CDH2: variants seen among roughly 807,000 people sequenced by gnomAD.
CDH2 encodes cadherin-2.
CDH2 carries 17 observed loss-of-function variants against 92.0 expected under a neutral mutation model. The ratio of observed to expected loss-of-function variants is 0.18; its 90% CI spans 0.13 to 0.28. The LOEUF (loss-of-function observed/expected upper bound fraction) is 0.28. Ranked by LOEUF, CDH2 falls within the 10% of genes least tolerant of loss-of-function variation. CDH2 has a pLI of 1.00. For synonymous variants in CDH2, 419 were observed against 415.9 expected (o/e 1.01, Z -0.09); for missense variants, 862 against 1,133.1 (o/e 0.76, Z 3.44).
At chr18:28,135,082 A>G (rs1236061648) in intron 2 of CDH2, among the ~76,000 whole-genome samples, 3 of 152,214 alleles carry the variant, frequency 2.0e-5, no homozygotes, top group Non-Finnish European at 4.4e-5. Flanking sequence ...GAATTACTTC[A>G]GCTCCGTGGA....
At chr18:28,018,963 G>A (rs17468240) in intron 2 of CDH2, among the ~76,000 whole-genome samples, 89 of 151,562 alleles carry the variant, frequency 5.9e-4, no homozygotes, top group African/African-American at 2.0e-3. Flanking sequence ...ATACTACTCA[G>A]CCATAAAAAG....
At chr18:28,110,020 C>A (rs547693521) in intron 2 of CDH2, among the ~76,000 whole-genome samples, 128 of 152,230 alleles carry the variant, frequency 8.4e-4, no homozygotes, top group African/African-American at 2.7e-3. Context: ...CAAGAGCATA[C>A]AAATACAAGG....
At chr18:27,945,323 ATTTTTTTTTTTTTTTT>A (rs66537834) in intron 6 of CDH2, among the ~76,000 whole-genome samples, 2 of 66,462 alleles carry the variant, frequency 3.0e-5, no homozygotes, top group African/African-American at 1.2e-4. Context: ...AGGAAGGAAG[ATTTTTTTTTTTTTTTT>A]TTTTTTTTTT....
At chr18:27,933,555 A>C (rs1908952865) in intron 6 of CDH2, among the ~76,000 whole-genome samples, 1 of 152,154 alleles carries the variant, frequency 6.6e-6, no homozygotes, top group Non-Finnish European at 1.5e-5. Flanking sequence ...TCCAGTTCTT[A>C]GGTTGGAAAA....
chr18:28,085,147 T>C (rs2014902393), intron 2 of CDH2, among the ~76,000 whole-genome samples: 1 of 152,052 alleles, frequency 6.6e-6, no homozygotes, highest in Admixed American at 6.6e-5. Flanking sequence ...TTATCCTCAG[T>C]CCTTTCCTTT....
At chr18:27,975,699 C>T (rs1244700008) in intron 14 of CDH2, among the ~76,000 whole-genome samples, 1 of 152,186 alleles carries the variant, frequency 6.6e-6, no homozygotes, top group Non-Finnish European at 1.5e-5. Flanking sequence ...CTGCCCCCTG[C>T]CAGTGTGGGC....
intron 2 of CDH2, among the ~76,000 whole-genome samples, chr18:28,079,095 T>C (rs929718072): frequency 3.3e-5 from 5 of 152,334 alleles, no homozygotes; most frequent in Admixed American, 1.3e-4. Context: ...CTCAATAAGA[T>C]AGTAAAATCG....
intron 2 of CDH2, among the ~76,000 whole-genome samples, chr18:28,043,842 C>T (rs1253835010): frequency 6.7e-6 from 1 of 148,780 alleles, no homozygotes; most frequent in Non-Finnish European, 1.5e-5. Flanking sequence ...GAGTGGCCAT[C>T]CTCAGGCTGG....
intron 2 of CDH2, among the ~76,000 whole-genome samples, chr18:28,052,253 AT>A (rs2014206753): frequency 6.6e-6 from 1 of 152,210 alleles, no homozygotes; most frequent in Non-Finnish European, 1.5e-5. Flanking sequence ...ATGGGAAGTA[AT>A]TTGTGTAAGG....
At chr18:27,945,754 G>A (rs1411741700) in intron 6 of CDH2, among the ~76,000 whole-genome samples, 1 of 152,094 alleles carries the variant, frequency 6.6e-6, no homozygotes, top group Non-Finnish European at 1.5e-5. Context: ...ATGCAGGATT[G>A]TTATTGGCTT....
At chr18:27,992,561 T>A in intron 9 of CDH2, 94 bp downstream of exon 9, 1 of 1,042,620 alleles carries the variant, frequency 9.6e-7, no homozygotes, top group Non-Finnish European at 1.4e-6. Context: ...AAGAAAAACG[T>A]CCTAAGTTTC....
At chr18:28,027,846 G>GTT (rs5823577) in intron 2 of CDH2, among the ~76,000 whole-genome samples, 21 of 144,056 alleles carry the variant, frequency 1.5e-4, no homozygotes, top group African/African-American at 3.5e-4. Context: ...GTTTTGTTTT[G>GTT]TTTTTTTTTT....
At chr18:28,012,149 C>A (rs2013119575) in intron 3 of CDH2, among the ~76,000 whole-genome samples, 157 bp from the exon 4 acceptor site, 1 of 151,992 alleles carries the variant, frequency 6.6e-6, no homozygotes, top group African/African-American at 2.4e-5. Context: ...ATTAAAATAA[C>A]AGAAAAATAC....
chr18:28,071,140 A>G (rs1209188103), intron 2 of CDH2, among the ~76,000 whole-genome samples: 1 of 152,056 alleles, frequency 6.6e-6, no homozygotes, highest in Non-Finnish European at 1.5e-5. Flanking sequence ...TTTCTGACAG[A>G]TTTAGGAAAC....
At chr18:28,083,760 A>G (rs2014875213) in intron 2 of CDH2, among the ~76,000 whole-genome samples, 1 of 152,190 alleles carries the variant, frequency 6.6e-6, no homozygotes, top group Admixed American at 6.5e-5. Context: ...TAGTTGACTG[A>G]ATTCATGTTT....
chr18:28,162,611 C>T (rs1298446527), intron 1 of CDH2, among the ~76,000 whole-genome samples: 2 of 152,176 alleles, frequency 1.3e-5, no homozygotes, highest in Non-Finnish European at 2.9e-5. Flanking sequence ...TCTTTTAAAT[C>T]CTCATTCTAA....
At chr18:28,120,490 A>C (rs2144270672) in intron 2 of CDH2, among the ~76,000 whole-genome samples, 1 of 152,206 alleles carries the variant, frequency 6.6e-6, no homozygotes, top group East Asian at 1.9e-4. Flanking sequence ...TTTTCTCCAA[A>C]AACTTTGCTA....
At chr18:27,967,002 G>A (rs921440291) in intron 14 of CDH2, among the ~76,000 whole-genome samples, 5 of 152,110 alleles carry the variant, frequency 3.3e-5, no homozygotes, top group African/African-American at 2.4e-5. Context: ...ATGATGAGAC[G>A]GGAGAGAAAG....
intron 6 of CDH2, among the ~76,000 whole-genome samples, chr18:28,005,469 G>A (rs1188131606): frequency 6.6e-6 from 1 of 152,114 alleles, no homozygotes; most frequent in Non-Finnish European, 1.5e-5. Context: ...TTGCTGCTAC[G>A]TCTCATACAG....
Sources: gnomAD v4.1 joint callset for allele counts (sites outside exome capture counted in the v4.1 genomes callset) on GRCh38, gnomAD v4.1.1 for gene constraint, MANE v1.5 for transcripts, NCBI Gene and HGNC (gene_info 2026-07-23, HGNC 2026-07-21) for gene names.